IFT88: variants seen among roughly 807,000 people sequenced by gnomAD.
IFT88 encodes the protein intraflagellar transport 88.
IFT88 carries 74 observed loss-of-function variants against 119.5 expected under a neutral mutation model. The ratio of observed to expected loss-of-function variants is 0.62; its 90% CI spans 0.51 to 0.75. The LOEUF (loss-of-function observed/expected upper bound fraction) is 0.75, where lower values mean the gene tolerates loss of function less well. Ranked by LOEUF, IFT88 falls within the 30% of genes least tolerant of loss-of-function variation. The pLI, the probability that IFT88 is intolerant of heterozygous loss-of-function variation, is 0.00. For synonymous variants in IFT88, 279 were observed against 316.7 expected (o/e 0.88, Z 1.26); for missense variants, 961 against 977.7 (o/e 0.98, Z 0.23).
At chr13:20,597,612 C>T (rs533992587) in intron 9 of IFT88, among the ~76,000 whole-genome samples, 3,490 of 151,824 alleles carry the variant, frequency 0.023, 43 homozygotes, top group Non-Finnish European at 0.036. Context: ...GGTGTGGTGG[C>T]GGGCGCCTGT....
chr13:20,588,402 T>A (rs2040097154), intron 3 of IFT88, among the ~76,000 whole-genome samples: 1 of 152,202 alleles, frequency 6.6e-6, no homozygotes, highest in African/African-American at 2.4e-5. Context: ...AGTTTCTTTC[T>A]ATTCTTTTGT....
In IFT88 at chr13:20,645,901, T is replaced by C. The variant is rs116381257; in HGVS notation, c.1949+943T>C. Among the ~76,000 whole-genome samples, 253 of 152,340 alleles carry C rather than the reference T, an allele frequency of 1.7e-3. 1 individual carries two copies. The highest frequency in any genetic ancestry group is 5.9e-3 in the African/African-American group (245 of 41,574). On this transcript the variant is annotated intron_variant, in intron 20 of 25. Transcript: ENST00000351808. The stretch of plus-strand genomic sequence containing the variant: ...ATATTTATTTCACATAAATTTCTTT[T>C]GAGAATTATAAAATTAATTACCAAG...
intron 13 of IFT88, among the ~76,000 whole-genome samples, chr13:20,608,442 C>T (rs1038315618): frequency 6.6e-6 from 1 of 152,172 alleles, no homozygotes; most frequent in African/African-American, 2.4e-5. Flanking sequence ...AGATCTTGGC[C>T]ACGTTGTACC....
Position 20,589,827 on chromosome 13 carries a change from C to A in IFT88, c.170C>A (p.Ser57Ter). ...CTCCCCAAGATAACTGCTAAAATATCAAGCACGGCAGTTACTAGACCTATA... is the reference window on the plus strand; with the variant it reads ...CTCCCCAAGATAACTGCTAAAATATAAAGCACGGCAGTTACTAGACCTATA... ...GRRPPITAKI[S>*]STAVTRPIAT... The change falls in exon 4 of 26, where the codon TCA becomes TAA. Residue 57 changes from serine (S) to a stop codon, truncating the protein, a stop_gained. Coordinates refer to ENST00000351808, the MANE Select transcript of IFT88 (RefSeq NM_006531.5). LOFTEE classifies it high-confidence loss of function. 1 of 1,599,106 alleles carries A rather than the reference C, an allele frequency of 6.3e-7. No homozygotes were observed. Among genetic ancestry groups the A allele is most frequent in the Non-Finnish European group, 8.5e-7 (1 of 1,169,852 alleles).
intron 13 of IFT88, chr13:20,607,934 A>G (rs887330945): frequency 4.6e-6 from 3 of 651,586 alleles, no homozygotes; most frequent in East Asian, 6.8e-5. Context: ...TACAAGACCA[A>G]GTAAGATGCA....
At chr13:20,592,959 A>C (rs961538508) in intron 7 of IFT88, among the ~76,000 whole-genome samples, 1 of 152,194 alleles carries the variant, frequency 6.6e-6, no homozygotes. Context: ...TTGTGATATT[A>C]TATGACTTGA....
intron 3 of IFT88, among the ~76,000 whole-genome samples, chr13:20,583,903 G>T (rs1340404884): frequency 6.6e-6 from 1 of 152,122 alleles, no homozygotes; most frequent in African/African-American, 2.4e-5. Flanking sequence ...CCTGTTGAAT[G>T]GTCTTGGTAC....
chr13:20,593,669 A>G (rs80315894), intron 7 of IFT88, among the ~76,000 whole-genome samples: 1,791 of 152,222 alleles, frequency 0.012, 36 homozygotes, highest in African/African-American at 0.041. Context: ...ATGACAGCAC[A>G]TTAGCTAATA....
chr13:20,649,599 G>A (rs2051285042), intron 20 of IFT88, among the ~76,000 whole-genome samples: 2 of 152,060 alleles, frequency 1.3e-5, no homozygotes, highest in Admixed American at 1.3e-4. Context: ...AGAAAAGGAA[G>A]AGCACTTTAA....
intron 18 of IFT88, among the ~76,000 whole-genome samples, chr13:20,643,237 T>C (rs2140327105): frequency 6.6e-6 from 1 of 152,332 alleles, no homozygotes; most frequent in Admixed American, 6.5e-5. Context: ...TGGATAGTAA[T>C]GGAGGAAAAG....
intron 1 of IFT88, among the ~76,000 whole-genome samples, chr13:20,569,390 G>A (rs1380246767): frequency 6.6e-6 from 1 of 151,528 alleles, no homozygotes; most frequent in Non-Finnish European, 1.5e-5. Context: ...TGGCTAACAC[G>A]GTGAAACCCC....
At chr13:20,626,663 T>C (rs936356537) in intron 15 of IFT88, among the ~76,000 whole-genome samples, 5 of 152,198 alleles carry the variant, frequency 3.3e-5, no homozygotes, top group Non-Finnish European at 5.9e-5. Flanking sequence ...CTGGCACTGC[T>C]GCTCTCTTGC....
At chr13:20,601,602 GAAGTA>G (rs1353342406) in intron 11 of IFT88, 98 bp from the exon 12 acceptor site, 2 of 651,970 alleles carry the variant, frequency 3.1e-6, no homozygotes, top group Non-Finnish European at 2.6e-6. Flanking sequence ...AAACAAAAAC[GAAGTA>G]AAGTGGGAGA....
chr13:20,672,348 A>G (rs2056032533), intron 24 of IFT88, among the ~76,000 whole-genome samples: 1 of 152,172 alleles, frequency 6.6e-6, no homozygotes, highest in African/African-American at 2.4e-5. Flanking sequence ...GCCATTACCC[A>G]GAGCTGGAGA....
chr13:20,568,582 A>C (rs1330371178), intron 1 of IFT88, among the ~76,000 whole-genome samples: 1 of 152,244 alleles, frequency 6.6e-6, no homozygotes, highest in African/African-American at 2.4e-5. Flanking sequence ...TATGGTTCAG[A>C]ATAGTGGTTC....
chr13:20,592,115 G>C (rs905399975), intron 6 of IFT88, among the ~76,000 whole-genome samples: 2 of 152,032 alleles, frequency 1.3e-5, no homozygotes. Context: ...TTTAACACAC[G>C]TATTATTTAC....
intron 24 of IFT88, among the ~76,000 whole-genome samples, chr13:20,679,994 G>T (rs895601821): frequency 6.6e-6 from 1 of 152,120 alleles, no homozygotes; most frequent in Admixed American, 6.6e-5. Flanking sequence ...TGCCCCTTTA[G>T]GGGACCAATC....
At chr13:20,593,432 AGTTCC>A (rs2041064356) in intron 7 of IFT88, among the ~76,000 whole-genome samples, 3 of 151,926 alleles carry the variant, frequency 2.0e-5, no homozygotes, top group African/African-American at 7.2e-5. Flanking sequence ...CAGTTTTTCT[AGTTCC>A]AGAGCTTGGG....
chr13:20,623,739 T>G (rs1243900452), intron 14 of IFT88, among the ~76,000 whole-genome samples: 1 of 152,196 alleles, frequency 6.6e-6, no homozygotes, highest in African/African-American at 2.4e-5. Context: ...CCTCCCAAAG[T>G]GCTGGGATTA....
Sources: allele counts gnomAD v4.1 joint callset (sites outside exome capture counted in the v4.1 genomes callset), GRCh38; gene constraint gnomAD v4.1.1; transcripts MANE v1.5; gene names NCBI Gene and HGNC (gene_info 2026-07-23, HGNC 2026-07-21).